The following HS3ST5 variants were observed in gnomAD, a reference collection of about 807,000 sequenced individuals.
HS3ST5 encodes the protein heparan sulfate glucosamine 3-O-sulfotransferase 5.
A neutral mutation model predicts 25.4 loss-of-function variants in HS3ST5; 10 were observed. The ratio of observed to expected loss-of-function variants is 0.39; its 90% CI spans 0.24 to 0.67. The LOEUF (loss-of-function observed/expected upper bound fraction) is 0.67, where lower values mean the gene tolerates loss of function less well. HS3ST5 is among the 30% of genes least tolerant of loss of function. HS3ST5 has a pLI of 0.44. For synonymous variants in HS3ST5, 170 were observed against 162.4 expected, an observed-to-expected ratio of 1.05 and a Z score of -0.36; for missense variants, 324 against 420.7, an observed-to-expected ratio of 0.77 and a Z score of 2.01.
intron 1 of HS3ST5, among the ~76,000 whole-genome samples, chr6:114,269,829 G>A (rs150549978): frequency 1.2e-4 from 19 of 152,186 alleles, no homozygotes; most frequent in Non-Finnish European, 2.2e-4. Context: ...GTTTATAGAT[G>A]ACAAAACCAA....
intron 3 of HS3ST5, among the ~76,000 whole-genome samples, chr6:114,109,789 A>G (rs1776179079): frequency 6.6e-6 from 1 of 152,186 alleles, no homozygotes; most frequent in Non-Finnish European, 1.5e-5. Context: ...GTCAAATAGC[A>G]ATTCTGCCTT....
rs62418124 is a variant in HS3ST5 at position 114,121,063 on chromosome 6, A to G, written c.-33+47288T>C. On this transcript the variant is annotated intron_variant, in intron 3 of 4. Transcript: ENST00000312719. ...TGCTTCCCTATGAGCATTGAGCCAA[A>G]TATTAATGTACATTTGAAAGGAAAC... Among the ~76,000 whole-genome samples, 539 of 152,362 alleles carry G rather than the reference A, an allele frequency of 3.5e-3. 3 individuals carry two copies. Among genetic ancestry groups the G allele is most frequent in the Non-Finnish European group, 5.5e-3 (374 of 68,028 alleles).
At chr6:114,255,845 C>T (rs529054154) in intron 1 of HS3ST5, among the ~76,000 whole-genome samples, 38 of 152,204 alleles carry the variant, frequency 2.5e-4, no homozygotes, top group African/African-American at 9.1e-4. Flanking sequence ...ATTTTTTCCT[C>T]CTAGCCTCCA....
intron 3 of HS3ST5, among the ~76,000 whole-genome samples, 170 bp downstream of exon 3, chr6:114,168,181 T>C (rs1341973840): frequency 6.6e-5 from 10 of 152,232 alleles, no homozygotes; most frequent in Admixed American, 4.6e-4. Flanking sequence ...TAAAGTGATT[T>C]TGTACAGTGT....
chr6:114,299,474 T>C (rs1480777319), intron 1 of HS3ST5, among the ~76,000 whole-genome samples: 2 of 152,094 alleles, frequency 1.3e-5, no homozygotes, highest in African/African-American at 2.4e-5. Flanking sequence ...TTACACTCCC[T>C]CCCCTTTTGA....
chr6:114,273,214 C>A (rs141738013), intron 1 of HS3ST5, among the ~76,000 whole-genome samples: 1 of 151,956 alleles, frequency 6.6e-6, no homozygotes, highest in Non-Finnish European at 1.5e-5. Flanking sequence ...ATGGAGCCAA[C>A]AAGGTAATCC....
intron 1 of HS3ST5, among the ~76,000 whole-genome samples, chr6:114,325,131 T>C (rs1216955050): frequency 1.3e-5 from 2 of 152,230 alleles, no homozygotes; most frequent in African/African-American, 4.8e-5. Flanking sequence ...AGGTTTAGCA[T>C]GAGCAGAGGA....
At chr6:114,325,217 G>T (rs1238892791) in intron 1 of HS3ST5, among the ~76,000 whole-genome samples, 1 of 152,118 alleles carries the variant, frequency 6.6e-6, no homozygotes, top group Admixed American at 6.5e-5. Flanking sequence ...TTAAGACCAA[G>T]ACTCCATCAA....
intron 3 of HS3ST5, among the ~76,000 whole-genome samples, chr6:114,064,774 A>C (rs1773350489): frequency 6.6e-6 from 1 of 152,224 alleles, no homozygotes; most frequent in Non-Finnish European, 1.5e-5. Context: ...GGAAAGTTAC[A>C]GGATCTAGTG....
chr6:114,326,668 C>A (rs551964458), intron 1 of HS3ST5, among the ~76,000 whole-genome samples: 6 of 152,124 alleles, frequency 3.9e-5, no homozygotes, highest in African/African-American at 1.4e-4. Context: ...TTAGTCAATG[C>A]CCTTGAAGTC....
At chr6:114,171,655 G>A (rs1779478485) in intron 2 of HS3ST5, among the ~76,000 whole-genome samples, 1 of 152,080 alleles carries the variant, frequency 6.6e-6, no homozygotes, top group African/African-American at 2.4e-5. Flanking sequence ...AAAGACTAAG[G>A]AATACGTAAT....
intron 3 of HS3ST5, among the ~76,000 whole-genome samples, chr6:114,127,099 C>T (rs901119188): frequency 6.6e-6 from 1 of 151,956 alleles, no homozygotes; most frequent in Admixed American, 6.6e-5. Flanking sequence ...CCTCTAGAAA[C>T]CTCTTTAAAA....
intron 3 of HS3ST5, among the ~76,000 whole-genome samples, chr6:114,106,872 C>T (rs910346403): frequency 4.6e-5 from 7 of 151,988 alleles, no homozygotes; most frequent in Admixed American, 2.0e-4. Context: ...GATATAAGTT[C>T]TATAAGATTG....
At chr6:114,236,079 CA>C (rs1300248045) in intron 1 of HS3ST5, among the ~76,000 whole-genome samples, 1 of 152,172 alleles carries the variant, frequency 6.6e-6, no homozygotes, top group Non-Finnish European at 1.5e-5. Context: ...GTACCTTCCA[CA>C]AGGGCAGATT....
intron 2 of HS3ST5, among the ~76,000 whole-genome samples, chr6:114,179,686 G>T (rs1272481547): frequency 7.4e-6 from 1 of 134,964 alleles, no homozygotes; most frequent in Non-Finnish European, 1.5e-5. Context: ...TAGAGGAATG[G>T]AACTAATAGG....
chr6:114,310,650 T>C (rs1484230186), intron 1 of HS3ST5, among the ~76,000 whole-genome samples: 1 of 152,110 alleles, frequency 6.6e-6, no homozygotes, highest in Non-Finnish European at 1.5e-5. Context: ...CTTGCAATAG[T>C]GGTTATGTCC....
At chr6:114,250,206 G>C (rs1772587360) in intron 1 of HS3ST5, among the ~76,000 whole-genome samples, 1 of 152,090 alleles carries the variant, frequency 6.6e-6, no homozygotes, top group South Asian at 2.1e-4. Context: ...ATAGAGATCT[G>C]AATTCTTTGA....
intron 1 of HS3ST5, among the ~76,000 whole-genome samples, chr6:114,306,298 A>T: frequency 6.8e-6 from 1 of 147,872 alleles, no homozygotes; most frequent in Non-Finnish European, 1.5e-5. Context: ...TATATAAAAT[A>T]TATATTCTTC....
chr6:114,073,598 C>T (rs991147332), intron 3 of HS3ST5, among the ~76,000 whole-genome samples: 1 of 152,222 alleles, frequency 6.6e-6, no homozygotes, highest in Non-Finnish European at 1.5e-5. Context: ...GATACCATCT[C>T]ACACCAGTTA....
Sources: gnomAD v4.1 joint callset for allele counts (sites outside exome capture counted in the v4.1 genomes callset) on GRCh38, gnomAD v4.1.1 for gene constraint, MANE v1.5 for transcripts, NCBI Gene and HGNC (gene_info 2026-07-23, HGNC 2026-07-21) for gene names.